POLR3C: variants seen among roughly 807,000 people sequenced by gnomAD.
POLR3C encodes the protein DNA-directed RNA polymerase III subunit RPC3.
Under a neutral mutation model 65.9 loss-of-function variants are expected in POLR3C, and 44 were observed. The observed-to-expected ratio is 0.67, with a 90% CI of 0.52 to 0.86. The LOEUF (loss-of-function observed/expected upper bound fraction) is 0.86, where lower values mean the gene tolerates loss of function less well. Ranked by LOEUF, POLR3C falls within the 40% of genes least tolerant of loss-of-function variation. The pLI is 0.00. For synonymous variants in POLR3C, 263 were observed against 231.6 expected (o/e 1.14, Z -1.23); for missense variants, 576 against 653.2 (o/e 0.88, Z 1.29).
chr1:145,837,498 C>T, intron 9 of POLR3C, 38 bp from the exon 10 acceptor site: 1 of 1,176,426 alleles, frequency 8.5e-7, no homozygotes, highest in Non-Finnish European at 1.2e-6. Context: ...ATAACTAGGC[C>T]AAAACATTAC....
chr1:145,836,015 T>C (rs1394885897), intron 7 of POLR3C, among the ~76,000 whole-genome samples: 1 of 152,216 alleles, frequency 6.6e-6, no homozygotes, highest in East Asian at 1.9e-4. Flanking sequence ...TATTTTATTT[T>C]AGTGTACTCG....
At chr1:145,829,478 T>C (rs1651109115) in intron 5 of POLR3C, among the ~76,000 whole-genome samples, 1 of 152,256 alleles carries the variant, frequency 6.6e-6, no homozygotes, top group Non-Finnish European at 1.5e-5. Context: ...CTTTCGTTAA[T>C]GGTCTCCCTA....
chr1:145,841,512 A>G (rs1474062854), intron 14 of POLR3C, among the ~76,000 whole-genome samples: 1 of 152,076 alleles, frequency 6.6e-6, no homozygotes, highest in African/African-American at 2.4e-5. Flanking sequence ...AGACCTTCAC[A>G]TTTCAGTGCA....
At chr1:145,838,266 C>T in intron 11 of POLR3C, 60 bp downstream of exon 11, 1 of 1,399,448 alleles carries the variant, frequency 7.1e-7, no homozygotes. Context: ...GTGAGAGAAG[C>T]TTCTTAGGCA....
rs782240222 is a variant in POLR3C, at chr1:145,838,046, TC to T, written c.1071-8del. On this transcript the variant is annotated splice_polypyrimidine_tract_variant and intron_variant, in intron 10 of 14. Coordinates refer to ENST00000334163, the MANE Select transcript of POLR3C (RefSeq NM_006468.8). ...TTAGCATGCCATTTGCTTTCTTCAT[TC>T]CTTTCCAGATTTGGGTCTCGCTGTG... 2.5e-6 allele frequency: 4 copies of T among 1,613,698 alleles called. No individual in the cohort carries two copies. In the East Asian group the frequency reaches 6.7e-5, roughly 27 times the overall value.
In POLR3C at chr1:145,843,319, C is replaced by G. The variant is rs1652430151; in HGVS notation, c.*899C>G. On this transcript the variant is annotated 3_prime_UTR_variant, in exon 15 of 15. Coordinates refer to ENST00000334163, the MANE Select transcript of POLR3C (RefSeq NM_006468.8). ...AAACTGGCAACGCTAAATTCTCTCTCTCAGTATCACGGATATAATTTGTCC... is the reference window on the plus strand; with the variant it reads ...AAACTGGCAACGCTAAATTCTCTCTGTCAGTATCACGGATATAATTTGTCC... Among the ~76,000 whole-genome samples the G allele has an allele frequency of 6.6e-6, 1 of 152,334 alleles. No homozygotes were observed. The highest frequency in any genetic ancestry group is 2.4e-5 in the African/African-American group (1 of 41,578).
intron 13 of POLR3C, 83 bp downstream of exon 13, chr1:145,840,248 A>G (rs1425710084): frequency 2.1e-5 from 19 of 887,932 alleles, no homozygotes; most frequent in South Asian, 6.8e-5. Flanking sequence ...ATAGGAATCA[A>G]TAGACGCTGG....
chr1:145,843,791 G>C lies in POLR3C; in HGVS notation c.*1371G>C, dbSNP rs1475035813. ...CTTTATTTGCAAACTATCTTAACAA[G>C]GGATTCGTAACCAGAATATATAAGG... On this transcript the variant is annotated 3_prime_UTR_variant, in exon 15 of 15. Coordinates refer to ENST00000334163, the MANE Select transcript of POLR3C (RefSeq NM_006468.8). 1.3e-5 allele frequency among the ~76,000 whole-genome samples: 2 copies of C among 152,138 alleles called. No individual in the cohort carries two copies. The highest frequency in any genetic ancestry group is 4.8e-5 in the African/African-American group (2 of 41,438).
chr1:145,838,258 G>A (rs1652014165), intron 11 of POLR3C, 52 bp downstream of exon 11: 1 of 1,493,082 alleles, frequency 6.7e-7, no homozygotes, highest in Non-Finnish European at 9.3e-7. Flanking sequence ...GGCCTAGGGT[G>A]AGAGAAGCTT....
intron 5 of POLR3C, among the ~76,000 whole-genome samples, chr1:145,832,045 A>G (rs1012002101): frequency 3.5e-4 from 53 of 150,132 alleles, no homozygotes; most frequent in Admixed American, 3.1e-3. Flanking sequence ...CTTTAAAAGG[A>G]AAAAAAAAAT....
chr1:145,825,342 AC>A (rs1650638037), intron 1 of POLR3C, among the ~76,000 whole-genome samples: 1 of 151,928 alleles, frequency 6.6e-6, no homozygotes, highest in Non-Finnish European at 1.5e-5. Flanking sequence ...CAAACTCCTG[AC>A]CTCATGATAC....
rs191629803 is a variant in POLR3C at position 145,824,304 on chromosome 1, T to G, written c.-86T>G. 1.3e-5 allele frequency: 4 copies of G among 311,934 alleles called. No homozygotes were observed. In the Admixed American group the frequency reaches 1.8e-4, roughly 14 times the overall value. The allele number at this position is 311,934 out of a possible 1,614,324, so 19.3% of individuals were successfully genotyped here. A position where few individuals can be genotyped will look rare whatever the true frequency, so the allele number is the denominator to read the frequency against. ...CGGCCTAGAAGGCCAGCGGGAGCCG[T>G]AGGAAGCCGTCGCGGGAAGCTCAGC... On this transcript the variant is annotated 5_prime_UTR_variant, in exon 1 of 15. Transcript: ENST00000334163.
chr1:145,842,317 A>G lies in POLR3C; in HGVS notation c.1524-22A>G, dbSNP rs782522786. The G allele has an allele frequency of 2.0e-6, 3 of 1,493,454 alleles. No homozygotes were observed. In the South Asian group the frequency reaches 3.4e-5, roughly 17 times the overall value. The allele number at this position is 1,493,454 out of a possible 1,614,324, so 92.5% of individuals were successfully genotyped here. ...TGCTAATGAACATTCAGTCTAGGCA[A>G]ATGCCTTTACTTTTCACTCAGGTTG... is the stretch of plus-strand genomic sequence containing the variant. On this transcript the variant is annotated intron_variant, in intron 14 of 14. Transcript: ENST00000334163.
At chr1:145,838,895 A>T (rs1652072758) in intron 11 of POLR3C, among the ~76,000 whole-genome samples, 1 of 152,178 alleles carries the variant, frequency 6.6e-6, no homozygotes, top group Non-Finnish European at 1.5e-5. Flanking sequence ...TTGGAGTCAG[A>T]TTACAGCTCT....
Position 145,825,032 on chromosome 1 carries a change from CT to C in POLR3C, c.-21+672del, listed in dbSNP as rs202019471. 1.2e-3 allele frequency among the ~76,000 whole-genome samples: 179 copies of C among 150,966 alleles called. 3 individuals carry two copies. Among genetic ancestry groups the C allele is most frequent in the Middle Eastern group, 6.9e-3 (2 of 290 alleles). ...GTCTTTTCCTATGCATACATTTTTC[CT>C]TTTTTTTTACAATAATTGAATTTTT... is the stretch of plus-strand genomic sequence containing the variant. On this transcript the variant is annotated intron_variant, in intron 1 of 14. Transcript: ENST00000334163.
At chr1:145,826,214 T>C (rs1415682219) in intron 2 of POLR3C, among the ~76,000 whole-genome samples, 2 of 152,316 alleles carry the variant, frequency 1.3e-5, no homozygotes, top group Admixed American at 1.3e-4. Flanking sequence ...GGAATGAGAA[T>C]GATGAAAGTA....
chr1:145,830,842 G>T (rs1393139162), intron 5 of POLR3C, among the ~76,000 whole-genome samples: 2 of 150,992 alleles, frequency 1.3e-5, no homozygotes, highest in Non-Finnish European at 3.0e-5. Context: ...AGTGGCTCGT[G>T]CCTGTAATCC....
At chr1:145,838,906 G>A (rs1244663944) in intron 11 of POLR3C, among the ~76,000 whole-genome samples, 5 of 152,138 alleles carry the variant, frequency 3.3e-5, no homozygotes, top group African/African-American at 1.2e-4. Flanking sequence ...TTACAGCTCT[G>A]CCTTACCCAG....
At position 145,826,576 on chromosome 1, in the gene POLR3C, G is replaced by A. The variant is rs1553725802; in HGVS notation, c.270G>A (p.Arg90=). ...SRVLRMLRYP[R]YIYTTKTLYS... is the part of the protein sequence containing the mutation. The stretch of plus-strand genomic sequence containing the variant: ...TATTGCGAATGCTTAGATATCCCCG[G>A]TACATCTATACTACCAAAACTCTGT... Residue 90 remains arginine, a synonymous_variant, in exon 3 of 15, where the codon CGG becomes CGA. Coordinates refer to ENST00000334163, the MANE Select transcript of POLR3C (RefSeq NM_006468.8). 1 of 1,614,118 alleles carries A rather than the reference G, an allele frequency of 6.2e-7. No homozygotes were observed. The highest frequency in any genetic ancestry group is 1.1e-5 in the South Asian group (1 of 91,078).
Sources: gnomAD v4.1 joint callset for allele counts (sites outside exome capture counted in the v4.1 genomes callset) on GRCh38, gnomAD v4.1.1 for gene constraint, MANE v1.5 for transcripts, NCBI Gene and HGNC (gene_info 2026-07-23, HGNC 2026-07-21) for gene names.